CADM2: variants seen among roughly 807,000 people sequenced by gnomAD.
CADM2 encodes the protein immunoglobulin superfamily member 4D.
A neutral mutation model predicts 49.8 loss-of-function variants in CADM2; 12 were observed. The observed-to-expected ratio is 0.24, with a 90% CI of 0.15 to 0.39. The LOEUF is 0.39. Ranked by LOEUF, CADM2 falls within the 10% of genes least tolerant of loss-of-function variation. CADM2 has a pLI of 1.00. For synonymous variants in CADM2, 214 were observed against 175.4 expected, an observed-to-expected ratio of 1.22 and a Z score of -1.74; for missense variants, 378 against 492.3, an observed-to-expected ratio of 0.77 and a Z score of 2.20.
At chr3:85,941,350 C>G (rs146816835) in intron 7 of CADM2, among the ~76,000 whole-genome samples, 3 of 152,024 alleles carry the variant, frequency 2.0e-5, no homozygotes, top group East Asian at 3.9e-4. Context: ...CAATGGAATC[C>G]AAGATTTCAA....
rs1385617982 is a variant in CADM2 at position 85,888,105 on chromosome 3, ATTAG to A, written c.529+1782_529+1785del. On this transcript the variant is annotated intron_variant, in intron 5 of 9. Coordinates refer to ENST00000383699, the MANE Select transcript of CADM2 (RefSeq NM_001167675.2). ...TTTTTTCTTCCTAAATTCTGACACA[ATTAG>A]TTAATTAATTAGTTGTTTACTCAGT... Among the ~76,000 whole-genome samples the A allele has an allele frequency of 5.3e-5, 8 of 152,280 alleles. No individual in the cohort carries two copies. The South Asian group carries it at 1.5e-3, about 28-fold the overall frequency.
intron 1 of CADM2, among the ~76,000 whole-genome samples, chr3:85,158,135 A>G (rs554134432): frequency 6.6e-6 from 1 of 152,226 alleles, no homozygotes; most frequent in East Asian, 1.9e-4. Context: ...TCGAAACCAC[A>G]ATGAGATACC....
At chr3:85,311,604 C>T (rs1337949057) in intron 1 of CADM2, among the ~76,000 whole-genome samples, 1 of 151,986 alleles carries the variant, frequency 6.6e-6, no homozygotes, top group East Asian at 1.9e-4. Flanking sequence ...TCTTGATCTC[C>T]TGATCTCGTG....
At chr3:86,004,491 A>C (rs1022512859) in intron 8 of CADM2, among the ~76,000 whole-genome samples, 1 of 152,234 alleles carries the variant, frequency 6.6e-6, no homozygotes, top group Non-Finnish European at 1.5e-5. Flanking sequence ...CCAAACTCTG[A>C]CACCATGCTG....
intron 1 of CADM2, among the ~76,000 whole-genome samples, chr3:85,288,525 C>G (rs1241338358): frequency 4.0e-5 from 6 of 151,712 alleles, no homozygotes; most frequent in Admixed American, 2.0e-4. Flanking sequence ...ATAATTATTG[C>G]TAAATTCATT....
chr3:85,289,079 CTGAG>C (rs950475991), intron 1 of CADM2, among the ~76,000 whole-genome samples: 4 of 152,046 alleles, frequency 2.6e-5, no homozygotes, highest in African/African-American at 7.2e-5. Flanking sequence ...CTTTGCCTTG[CTGAG>C]TGAGTGACTC....
chr3:85,509,189 C>T (rs1217524039), intron 1 of CADM2, among the ~76,000 whole-genome samples: 1 of 152,130 alleles, frequency 6.6e-6, no homozygotes, highest in Non-Finnish European at 1.5e-5. Flanking sequence ...TACCTAAGTT[C>T]TTTCCAATCT....
intron 1 of CADM2, among the ~76,000 whole-genome samples, chr3:85,500,622 A>C: frequency 6.6e-6 from 1 of 151,528 alleles, no homozygotes; most frequent in South Asian, 2.1e-4. Flanking sequence ...GGTTCACGTC[A>C]TTCTCCTGCC....
chr3:85,968,018 G>A lies in CADM2; in HGVS notation c.970+6371G>A, dbSNP rs545412371. Among the ~76,000 whole-genome samples the A allele has an allele frequency of 2.0e-5, 3 of 151,586 alleles. No homozygotes were observed. The South Asian group carries it at 6.2e-4, about 31-fold the overall frequency. On this transcript the variant is annotated intron_variant, in intron 8 of 9. Coordinates refer to ENST00000383699, the MANE Select transcript of CADM2 (RefSeq NM_001167675.2). ...GAGCATTTTTCTTAGAAGCATAGAT[G>A]GAAAATATACAGTGGAGGGAAAAAA...
chr3:86,034,339 A>G (rs1387610054), intron 8 of CADM2, among the ~76,000 whole-genome samples: 3 of 151,992 alleles, frequency 2.0e-5, no homozygotes, highest in African/African-American at 7.2e-5. Context: ...GGAACTGATT[A>G]GGTCATGAAG....
At chr3:85,282,264 T>C (rs2043519172) in intron 1 of CADM2, among the ~76,000 whole-genome samples, 1 of 145,586 alleles carries the variant, frequency 6.9e-6, no homozygotes, top group Non-Finnish European at 1.5e-5. Flanking sequence ...TTTTTTTTTT[T>C]TGCCTTTTTT....
chr3:85,927,523 G>A (rs929181952), intron 6 of CADM2, among the ~76,000 whole-genome samples: 2 of 152,116 alleles, frequency 1.3e-5, no homozygotes, highest in Admixed American at 6.5e-5. Flanking sequence ...TAGGAACTAT[G>A]TAAGTGTTTG....
intron 1 of CADM2, among the ~76,000 whole-genome samples, chr3:85,030,403 C>A (rs2034927281): frequency 6.6e-6 from 1 of 152,198 alleles, no homozygotes; most frequent in African/African-American, 2.4e-5. Flanking sequence ...CTGGTAAAGA[C>A]AATGCCAAGG....
chr3:85,658,887 C>A (rs2065305955), intron 1 of CADM2, among the ~76,000 whole-genome samples: 1 of 149,780 alleles, frequency 6.7e-6, no homozygotes, highest in Admixed American at 6.7e-5. Flanking sequence ...CCTATCTCTA[C>A]AAAAACATAA....
At chr3:85,762,613 C>CTCTCTG (rs1553682289) in intron 2 of CADM2, among the ~76,000 whole-genome samples, 71 of 148,042 alleles carry the variant, frequency 4.8e-4, no homozygotes, top group African/African-American at 9.1e-4. Context: ...CTCTCTCTCT[C>CTCTCTG]TCTCTCTCTG....
At chr3:85,286,155 A>G (rs991823203) in intron 1 of CADM2, among the ~76,000 whole-genome samples, 2 of 152,134 alleles carry the variant, frequency 1.3e-5, no homozygotes, top group Non-Finnish European at 2.9e-5. Flanking sequence ...GCCCCTTTCA[A>G]GAACTCAAAG....
Position 85,363,138 on chromosome 3 carries a change from T to C in CADM2, c.62-363384T>C, listed in dbSNP as rs982204225. ...CAGCACTGCACAGGAAGTAGAGATA[T>C]AAACTTGTTAAGAAAATAATGGGTT... On this transcript the variant is annotated intron_variant, in intron 1 of 9. Coordinates refer to ENST00000383699, the MANE Select transcript of CADM2 (RefSeq NM_001167675.2). 7.9e-5 allele frequency among the ~76,000 whole-genome samples: 12 copies of C among 152,196 alleles called. No homozygotes were observed. The East Asian group carries it at 1.9e-3, about 24-fold the overall frequency.
At chr3:85,391,014 ATCTGG>A (rs2034492545) in intron 1 of CADM2, among the ~76,000 whole-genome samples, 3 of 152,148 alleles carry the variant, frequency 2.0e-5, no homozygotes, top group Non-Finnish European at 4.4e-5. Context: ...CCTAGGAATA[ATCTGG>A]TTTAATTTGT....
chr3:85,946,791 C>T (rs1017688451), intron 7 of CADM2, among the ~76,000 whole-genome samples: 2 of 151,830 alleles, frequency 1.3e-5, no homozygotes, highest in Middle Eastern at 3.2e-3. Context: ...ATACAAAAAT[C>T]AATTCAAGAT....
Sources: allele counts gnomAD v4.1 joint callset (sites outside exome capture counted in the v4.1 genomes callset), GRCh38; gene constraint gnomAD v4.1.1; transcripts MANE v1.5; gene names NCBI Gene and HGNC (gene_info 2026-07-23, HGNC 2026-07-21).